The following ARHGAP8 variants were observed in gnomAD, a reference collection of about 807,000 sequenced individuals.
The protein encoded by ARHGAP8 is Rho GTPase activating protein 8.
A neutral mutation model predicts 46.1 loss-of-function variants in ARHGAP8; 62 were observed. The observed-to-expected ratio is 1.34, with a 90% CI of 1.10 to 1.66. ARHGAP8 has a LOEUF of 1.66. Among genes scored for constraint, ARHGAP8 ranks in the 40% most tolerant of loss-of-function variants. The pLI, the probability that ARHGAP8 is intolerant of heterozygous loss-of-function variation, is 0.00. For missense variants in ARHGAP8, 923 were observed against 568.4 expected, an observed-to-expected ratio of 1.62 and a Z score of -6.34; for synonymous variants, 375 against 243.1, an observed-to-expected ratio of 1.54 and a Z score of -5.05.
intron 2 of ARHGAP8, among the ~76,000 whole-genome samples, chr22:44,790,504 C>T (rs1273346674): frequency 1.3e-5 from 2 of 151,538 alleles, no homozygotes; most frequent in East Asian, 2.0e-4. Flanking sequence ...GGTGAAACCC[C>T]GTCTCTACTA....
Position 44,848,921 on chromosome 22 carries a change from T to A in ARHGAP8, c.749-11T>A. On this transcript the variant is annotated splice_polypyrimidine_tract_variant and intron_variant, in intron 9 of 11. Coordinates refer to ENST00000356099, the MANE Select transcript of ARHGAP8 (RefSeq NM_181335.3). The stretch of plus-strand genomic sequence containing the variant: ...GGTGCAGACCTCAGCAGTGCTGTGT[T>A]GTGTGTGCAGGGAAGCCCGTGAACT... 6.2e-7 allele frequency: 1 copy of A among 1,613,888 alleles called. No individual in the cohort carries two copies. Among genetic ancestry groups the A allele is most frequent in the Non-Finnish European group, 8.5e-7 (1 of 1,179,926 alleles).
At chr22:44,786,829 A>G (rs1927276157) in intron 2 of ARHGAP8, among the ~76,000 whole-genome samples, 1 of 152,078 alleles carries the variant, frequency 6.6e-6, no homozygotes, top group Non-Finnish European at 1.5e-5. Context: ...AGCCTGGGCA[A>G]TGTAGTGAGA....
chr22:44,762,429 C>G (rs1925198868), intron 1 of ARHGAP8, among the ~76,000 whole-genome samples: 1 of 144,068 alleles, frequency 6.9e-6, no homozygotes. Flanking sequence ...GCATGAGACC[C>G]CATCTCTAAA....
chr22:44,839,874 G>T (rs1435783822), intron 7 of ARHGAP8, among the ~76,000 whole-genome samples: 1 of 152,196 alleles, frequency 6.6e-6, no homozygotes, highest in Non-Finnish European at 1.5e-5. Flanking sequence ...AGCAGAACTC[G>T]GCCAGGCGAG....
At chr22:44,854,748 C>T (rs1252346137) in intron 10 of ARHGAP8, among the ~76,000 whole-genome samples, 2 of 152,094 alleles carry the variant, frequency 1.3e-5, no homozygotes, top group African/African-American at 4.8e-5. Context: ...AAGCAATTCT[C>T]CCACCTCAGC....
chr22:44,775,164 G>T (rs1161595845), intron 1 of ARHGAP8, among the ~76,000 whole-genome samples: 1 of 152,194 alleles, frequency 6.6e-6, no homozygotes, highest in African/African-American at 2.4e-5. Flanking sequence ...AATTCCAAGA[G>T]GCAAAGGTTT....
At chr22:44,860,049 C>G (rs895325356) in intron 11 of ARHGAP8, among the ~76,000 whole-genome samples, 1 of 152,182 alleles carries the variant, frequency 6.6e-6, no homozygotes, top group African/African-American at 2.4e-5. Context: ...GGCGTACCTG[C>G]CCCTGCCTGC....
intron 11 of ARHGAP8, among the ~76,000 whole-genome samples, chr22:44,860,651 A>C (rs528422836): frequency 1.3e-5 from 2 of 151,712 alleles, no homozygotes; most frequent in South Asian, 2.1e-4. Flanking sequence ...ACACCAGGCT[A>C]AGCAAATGAC....
At chr22:44,819,954 G>A in intron 5 of ARHGAP8, among the ~76,000 whole-genome samples, 1 of 152,196 alleles carries the variant, frequency 6.6e-6, no homozygotes. Flanking sequence ...ATAGGAATTG[G>A]GCTGGGGCTC....
Position 44,859,908 on chromosome 22 carries a change from TCC to T in ARHGAP8, c.981+77_981+78del. 2.0e-6 allele frequency: 3 copies of T among 1,521,638 alleles called. No individual in the cohort carries two copies. In the South Asian group the frequency reaches 3.6e-5, roughly 18 times the overall value. The allele number at this position is 1,521,638 out of a possible 1,614,324, so 94.3% of individuals were successfully genotyped here. On this transcript the variant is annotated intron_variant, in intron 11 of 11. Transcript: ENST00000356099. Reference sequence around the variant, plus strand: ...CCCATGCTGGGCCCGCATGGACCAGTCCCCTCCTTGCCCTGGGTCTGGGGTCA... The same window carrying T: ...CCCATGCTGGGCCCGCATGGACCAGTCCTCCTTGCCCTGGGTCTGGGGTCA...
At chr22:44,817,836 G>A (rs1569160474) in intron 5 of ARHGAP8, among the ~76,000 whole-genome samples, 1 of 151,882 alleles carries the variant, frequency 6.6e-6, no homozygotes, top group Admixed American at 6.6e-5. Context: ...CTTAGAGGGC[G>A]AGGCATGGTG....
rs530764668 is a variant in ARHGAP8 at position 44,857,748 on chromosome 22, C to G, written c.878-1983C>G. Among the ~76,000 whole-genome samples the G allele has an allele frequency of 1.2e-3, 187 of 152,306 alleles. 2 individuals are homozygous for G. Among genetic ancestry groups the G allele is most frequent in the Middle Eastern group, 3.4e-3 (1 of 294 alleles). Reference sequence around the variant, plus strand: ...AGGTCAGAGAGTCCTCGAGGCCCAGCCTCCCACATGCAAGCTGTGTGACCT... The same window carrying G: ...AGGTCAGAGAGTCCTCGAGGCCCAGGCTCCCACATGCAAGCTGTGTGACCT... On this transcript the variant is annotated intron_variant, in intron 10 of 11. Transcript: ENST00000356099.
chr22:44,861,428 T>C (rs1006391987), intron 11 of ARHGAP8, among the ~76,000 whole-genome samples: 10 of 152,184 alleles, frequency 6.6e-5, no homozygotes, highest in Admixed American at 3.9e-4. Flanking sequence ...GCAGTGGGCC[T>C]GGCTGGTGCA....
chr22:44,851,948 C>T (rs1388279766), intron 10 of ARHGAP8, among the ~76,000 whole-genome samples: 4 of 151,768 alleles, frequency 2.6e-5, no homozygotes, highest in Middle Eastern at 3.2e-3. Flanking sequence ...CTCAGCACTT[C>T]GGGAAGCCAA....
intron 7 of ARHGAP8, among the ~76,000 whole-genome samples, chr22:44,834,103 T>G (rs548343684): frequency 6.6e-6 from 1 of 152,296 alleles, no homozygotes; most frequent in South Asian, 2.1e-4. Flanking sequence ...AGTCAACTTT[T>G]GGTTTTGATG....
chr22:44,857,683 C>T (rs557067054), intron 10 of ARHGAP8, among the ~76,000 whole-genome samples: 191 of 152,246 alleles, frequency 1.3e-3, no homozygotes, highest in African/African-American at 4.5e-3. Context: ...AGGCGCCTCT[C>T]ATAGGATGAT....
intron 1 of ARHGAP8, among the ~76,000 whole-genome samples, chr22:44,775,896 T>G (rs1926384790): frequency 1.3e-5 from 2 of 152,222 alleles, no homozygotes; most frequent in Admixed American, 1.3e-4. Flanking sequence ...ACTCCTTCAG[T>G]CACCTAGATT....
chr22:44,827,255 C>G (rs1930586423), intron 7 of ARHGAP8, among the ~76,000 whole-genome samples: 2 of 150,648 alleles, frequency 1.3e-5, no homozygotes, highest in South Asian at 4.2e-4. Flanking sequence ...CCTGGAGCCT[C>G]CAGGTGGAAC....
At chr22:44,817,523 G>T (rs553509972) in intron 5 of ARHGAP8, among the ~76,000 whole-genome samples, 2 of 152,240 alleles carry the variant, frequency 1.3e-5, no homozygotes, top group Admixed American at 1.3e-4. Context: ...CCTTAGAGGG[G>T]CTGGGCGCAA....
Sources: gnomAD v4.1 joint callset for allele counts (sites outside exome capture counted in the v4.1 genomes callset) on GRCh38, gnomAD v4.1.1 for gene constraint, MANE v1.5 for transcripts, NCBI Gene and HGNC (gene_info 2026-07-23, HGNC 2026-07-21) for gene names.